UGT2B7: variants seen among roughly 807,000 people sequenced by gnomAD.
UGT2B7 encodes the protein UDP-glucuronosyltransferase 2B7.
In UGT2B7, 51 loss-of-function variants were observed where a neutral mutation model predicts 51.9. The ratio of observed to expected loss-of-function variants is 0.98; its 90% confidence interval spans 0.78 to 1.24. The LOEUF is 1.24. UGT2B7 is among the 50% of genes most tolerant of loss of function. The pLI is 0.00. For missense variants in UGT2B7, 727 were observed against 628.4 expected (o/e 1.16, Z -1.68); for synonymous variants, 225 against 211.6 (o/e 1.06, Z -0.55).
chr4:69,053,571 C>A (rs1207076623), intron 1 of UGT2B7, among the ~76,000 whole-genome samples: 1 of 152,196 alleles, frequency 6.6e-6, no homozygotes, highest in Non-Finnish European at 1.5e-5. Flanking sequence ...CAGGATTCTA[C>A]AGCCTGGAGT....
At chr4:69,058,055 A>G (rs1718247420) in intron 1 of UGT2B7, among the ~76,000 whole-genome samples, 1 of 152,236 alleles carries the variant, frequency 6.6e-6, no homozygotes. Context: ...GCCGAGAGTA[A>G]TCAGCTGTGC....
chr4:69,080,666 C>T (rs960126815), intron 1 of UGT2B7, among the ~76,000 whole-genome samples: 4 of 151,994 alleles, frequency 2.6e-5, no homozygotes, highest in Admixed American at 6.6e-5. Context: ...TCCTTTGACT[C>T]GCTAAGCACC....
intron 3 of UGT2B7, 71 bp from the exon 4 acceptor site, chr4:69,107,104 T>C: frequency 1.3e-6 from 2 of 1,494,558 alleles, no homozygotes; most frequent in Non-Finnish European, 9.2e-7. Context: ...TTCCTACTCT[T>C]TATACAGTTC....
chr4:69,091,900 C>T (rs193249200), upstream of UGT2B7, among the ~76,000 whole-genome samples: 1 of 152,156 alleles, frequency 6.6e-6, no homozygotes, highest in Non-Finnish European at 1.5e-5. Flanking sequence ...CAAAGATAAT[C>T]TTGAGAATTC....
At position 69,096,912 on chromosome 4, in the gene UGT2B7, T is replaced by C; in HGVS notation, c.392T>C (p.Val131Ala). The C allele has an allele frequency of 6.2e-7, 1 of 1,611,898 alleles. No individual in the cohort carries two copies. The highest frequency in any genetic ancestry group is 8.5e-7 in the Non-Finnish European group (1 of 1,179,470). Residue 131 changes from valine (V) to alanine (A), a missense_variant, in exon 1 of 6, where the codon GTT becomes GCT. Val to Ala is a moderately conservative substitution (Grantham distance 64, BLOSUM62 0). Transcript: ENST00000305231. ...DITRKFCKDV[V>A]SNKKFMKKVQ... Reference sequence around the variant, plus strand: ...ACTAGAAAGTTCTGTAAAGATGTAGTTTCAAATAAGAAATTTATGAAAAAA... The same window carrying C: ...ACTAGAAAGTTCTGTAAAGATGTAGCTTCAAATAAGAAATTTATGAAAAAA...
Position 69,097,244 on chromosome 4 carries a change from A to G in UGT2B7, c.721+3A>G. On this transcript the variant is annotated splice_donor_region_variant and intron_variant, in intron 1 of 5. Transcript: ENST00000305231. ...TCAGTTTTATAGTGAAGTTCTAGGT[A>G]AGTATTTTTTTCAATCAGTAACATG... is the stretch of plus-strand genomic sequence containing the variant. 2 of 1,600,276 alleles carry G rather than the reference A, an allele frequency of 1.2e-6. No homozygotes were observed. The highest frequency in any genetic ancestry group is 1.7e-6 in the Non-Finnish European group (2 of 1,176,292).
intron 1 of UGT2B7, among the ~76,000 whole-genome samples, chr4:69,064,110 GAA>G (rs56902567): frequency 0.079 from 6,380 of 80,612 alleles, 374 homozygotes; most frequent in African/African-American, 0.16. Context: ...AAGAAAGAAA[GAA>G]AAAGAAAGAA....
intron 1 of UGT2B7, 82 bp from the exon 2 acceptor site, chr4:69,098,458 T>A: frequency 6.6e-7 from 1 of 1,510,228 alleles, no homozygotes. Flanking sequence ...CATTTTTGCC[T>A]ACATTATTCT....
intron 1 of UGT2B7, among the ~76,000 whole-genome samples, chr4:69,076,429 T>A (rs1718708977): frequency 6.6e-6 from 1 of 152,182 alleles, no homozygotes; most frequent in Non-Finnish European, 1.5e-5. Context: ...TTTCTCCACA[T>A]CCTCTCCAAC....
chr4:69,057,860 AG>A (rs1718241249), intron 1 of UGT2B7, among the ~76,000 whole-genome samples: 1 of 152,212 alleles, frequency 6.6e-6, no homozygotes, highest in African/African-American at 2.4e-5. Flanking sequence ...GAATTAGAAT[AG>A]CCCTCTTTTG....
intron 2 of UGT2B7, among the ~76,000 whole-genome samples, chr4:69,100,147 C>T (rs1488625011): frequency 2.0e-5 from 3 of 151,966 alleles, no homozygotes; most frequent in Admixed American, 6.6e-5. Context: ...TGATTTTTGC[C>T]GTATGACAAG....
intron 1 of UGT2B7, among the ~76,000 whole-genome samples, chr4:69,071,301 C>G (rs1718594627): frequency 1.2e-4 from 19 of 152,048 alleles, no homozygotes; most frequent in Admixed American, 1.2e-3. Flanking sequence ...TGAGGATATA[C>G]AAACTAGAAA....
At chr4:69,103,900 A>G (rs550374924) in intron 3 of UGT2B7, among the ~76,000 whole-genome samples, 2 of 152,338 alleles carry the variant, frequency 1.3e-5, no homozygotes, top group African/African-American at 2.4e-5. Flanking sequence ...CTGTGCTAGT[A>G]TAACATGATT....
At chr4:69,056,182 T>G (rs1439820073) in intron 1 of UGT2B7, among the ~76,000 whole-genome samples, 1 of 152,276 alleles carries the variant, frequency 6.6e-6, no homozygotes, top group African/African-American at 2.4e-5. Flanking sequence ...AGCACAGCCA[T>G]AGGTGATTAA....
At chr4:69,063,769 A>G (rs1336563009) in intron 1 of UGT2B7, among the ~76,000 whole-genome samples, 3 of 152,080 alleles carry the variant, frequency 2.0e-5, no homozygotes, top group African/African-American at 7.2e-5. Context: ...GTTTTAAAAC[A>G]GTAGGGGTAG....
chr4:69,086,078 G>A (rs1389981999), intron 1 of UGT2B7, among the ~76,000 whole-genome samples: 1 of 151,162 alleles, frequency 6.6e-6, no homozygotes, highest in Non-Finnish European at 1.5e-5. Flanking sequence ...ATTTCTTGAG[G>A]TACTATAGGT....
upstream of UGT2B7, chr4:69,096,365 C>A: frequency 8.4e-7 from 1 of 1,185,732 alleles, no homozygotes; most frequent in Non-Finnish European, 1.2e-6. Flanking sequence ...GTCTCTTTGC[C>A]ATCCACATGC....
chr4:69,081,103 A>G (rs988166825), intron 1 of UGT2B7, among the ~76,000 whole-genome samples: 1 of 152,198 alleles, frequency 6.6e-6, no homozygotes, highest in Non-Finnish European at 1.5e-5. Flanking sequence ...TAATCACTGA[A>G]GAAAAACAAA....
Position 69,108,265 on chromosome 4 carries a change from A to G in UGT2B7, c.1253A>G (p.Asn418Ser), listed in dbSNP as rs1719671789. 14 of 1,613,678 alleles carry G rather than the reference A, an allele frequency of 8.7e-6. No individual in the cohort carries two copies. The highest frequency in any genetic ancestry group is 1.2e-5 in the Non-Finnish European group (14 of 1,179,644). The part of the protein sequence containing the change: ...ARGAAVRVDF[N>S]TMSSTDLLNA... Reference sequence around the variant, plus strand: ...GGAGCAGCTGTTAGAGTGGACTTCAACACAATGTCGAGTACAGACTTGCTG... The same window carrying G: ...GGAGCAGCTGTTAGAGTGGACTTCAGCACAATGTCGAGTACAGACTTGCTG... Residue 418 changes from asparagine (N) to serine (S), a missense_variant, in exon 5 of 6, where the codon AAC becomes AGC. Transcript: ENST00000305231.
Sources: gnomAD v4.1 joint callset for allele counts (sites outside exome capture counted in the v4.1 genomes callset) on GRCh38, gnomAD v4.1.1 for gene constraint, MANE v1.5 for transcripts, NCBI Gene and HGNC (gene_info 2026-07-23, HGNC 2026-07-21) for gene names.